The following DOCK4 variants were observed in gnomAD, a reference collection of about 807,000 sequenced individuals.
DOCK4 encodes the protein dedicator of cytokinesis 4.
A neutral mutation model predicts 268.1 loss-of-function variants in DOCK4; 97 were observed. The ratio of observed to expected loss-of-function variants is 0.36; its 90% CI spans 0.31 to 0.43. DOCK4 has a LOEUF of 0.43. DOCK4 is among the 20% of genes least tolerant of loss of function. The pLI, the probability that DOCK4 is intolerant of heterozygous loss-of-function variation, is 1.00. For missense variants in DOCK4, 2,145 were observed against 2,455.7 expected (o/e 0.87, Z 2.67); for synonymous variants, 954 against 887.2 (o/e 1.08, Z -1.34).
At chr7:111,733,427 T>C (rs1795247481) in intron 51 of DOCK4, among the ~76,000 whole-genome samples, 1 of 152,208 alleles carries the variant, frequency 6.6e-6, no homozygotes, top group Admixed American at 6.5e-5. Context: ...TGCTGGGGCA[T>C]GCTGTCAGCA....
At chr7:112,067,473 G>A (rs767043710) in intron 1 of DOCK4, among the ~76,000 whole-genome samples, 1 of 152,042 alleles carries the variant, frequency 6.6e-6, no homozygotes, top group African/African-American at 2.4e-5. Context: ...AAGAAGGTAC[G>A]ACTTCAGCTA....
intron 26 of DOCK4, among the ~76,000 whole-genome samples, chr7:111,823,814 A>G (rs1221441361): frequency 1.3e-5 from 2 of 152,244 alleles, no homozygotes; most frequent in Admixed American, 1.3e-4. Flanking sequence ...TTTATCAAAT[A>G]CAATGACACA....
chr7:111,729,970 A>G (rs973298197), intron 52 of DOCK4, among the ~76,000 whole-genome samples: 7 of 152,268 alleles, frequency 4.6e-5, no homozygotes, highest in Admixed American at 1.3e-4. Flanking sequence ...CTGGCAGTTC[A>G]TAAAGAACTA....
intron 1 of DOCK4, among the ~76,000 whole-genome samples, chr7:112,168,728 A>G (rs1201377020): frequency 6.6e-6 from 1 of 152,138 alleles, no homozygotes; most frequent in Non-Finnish European, 1.5e-5. Flanking sequence ...ACATAGAGTT[A>G]AGTAACATAA....
intron 1 of DOCK4, among the ~76,000 whole-genome samples, chr7:112,202,926 G>A (rs972135315): frequency 2.0e-5 from 3 of 152,118 alleles, no homozygotes; most frequent in Non-Finnish European, 4.4e-5. Context: ...CCTCAGTTCT[G>A]GCAGCTTGCC....
intron 39 of DOCK4, among the ~76,000 whole-genome samples, chr7:111,764,167 T>A (rs1468768250): frequency 6.6e-6 from 1 of 152,224 alleles, no homozygotes; most frequent in Non-Finnish European, 1.5e-5. Context: ...AAAGAAAACA[T>A]CTGTTCCACG....
At chr7:111,729,830 T>A (rs539334426) in intron 52 of DOCK4, among the ~76,000 whole-genome samples, 1 of 152,338 alleles carries the variant, frequency 6.6e-6, no homozygotes, top group East Asian at 1.9e-4. Flanking sequence ...TCCAGACTCC[T>A]GAGCTGAACT....
chr7:111,844,896 T>C lies in DOCK4; in HGVS notation c.2603A>G (p.Glu868Gly). 1.2e-6 allele frequency: 2 copies of C among 1,606,264 alleles called. No homozygotes were observed. The highest frequency in any genetic ancestry group is 1.7e-6 in the Non-Finnish European group (2 of 1,176,832). The change falls in exon 25 of 53, where the codon GAA (glutamate) becomes GGA (glycine). Residue 868 changes from glutamate to glycine, a missense_variant and splice_region_variant. Physicochemically the swap from Glu to Gly is moderately conservative, Grantham distance 98. Around this residue, in one of 2 missense-constraint regions of DOCK4, gnomAD observed 1,598 missense variants for 1,986.7 expected, o/e 0.80. Coordinates refer to ENST00000428084, the MANE Select transcript of DOCK4 (RefSeq NM_001363540.2). Reference sequence around the variant, plus strand: ...ATCTATTTCCTCCAGCACAGATTTTTCCTTAAGAGAAAAAAAATAATATGT... The same window carrying C: ...ATCTATTTCCTCCAGCACAGATTTTCCCTTAAGAGAAAAAAAATAATATGT... ...VFCLIKKNSS[E>G]KSVLEEIDVI... is the part of the protein sequence containing the mutation.
intron 23 of DOCK4, among the ~76,000 whole-genome samples, chr7:111,851,366 A>T (rs1586171916): frequency 6.7e-6 from 1 of 149,166 alleles, no homozygotes; most frequent in African/African-American, 2.5e-5. Flanking sequence ...AATCGCTTGA[A>T]CCTGGGAGGC....
rs1562997227 is a variant in DOCK4 at position 112,018,175 on chromosome 7, A to ACC, written c.38-14045_38-14044insGG. Among the ~76,000 whole-genome samples the ACC allele has an allele frequency of 3.3e-5, 3 of 91,344 alleles. 1 individual carries two copies. Among genetic ancestry groups the ACC allele is most frequent in the Non-Finnish European group, 8.8e-5 (3 of 34,150 alleles). The allele number at this position is 91,344 out of a possible 152,430, so 59.9% of individuals were successfully genotyped here. On this transcript the variant is annotated intron_variant, in intron 1 of 52. Transcript: ENST00000428084. ...AAAAAAAAAAAAAAAAAAAAAAAAA[A>ACC]AAAAACACAGGCAACCAGTATTCAT... is the stretch of plus-strand genomic sequence containing the variant.
At position 111,739,066 on chromosome 7, in the gene DOCK4, C is replaced by T; in HGVS notation, c.5232+68G>A. On this transcript the variant is annotated intron_variant, in intron 49 of 52. Coordinates refer to ENST00000428084, the MANE Select transcript of DOCK4 (RefSeq NM_001363540.2). ...TGCTTTTGGCAGCTACCGCGTGTTT[C>T]TGCAGAGATAGGTAAGCAATTCCAG... 2.1e-6 allele frequency: 3 copies of T among 1,398,266 alleles called. No individual in the cohort carries two copies. In the South Asian group the frequency reaches 3.5e-5, roughly 16 times the overall value. 86.6% of individuals were successfully genotyped at this position (1,398,266 alleles called of 1,614,324 possible). A position where few individuals can be genotyped will look rare whatever the true frequency, so the allele number is the denominator to read the frequency against.
intron 1 of DOCK4, among the ~76,000 whole-genome samples, chr7:112,145,122 G>A (rs1406763887): frequency 6.6e-6 from 1 of 152,118 alleles, no homozygotes; most frequent in African/African-American, 2.4e-5. Flanking sequence ...GGACACCTTA[G>A]GGAGGTATAA....
intron 12 of DOCK4, among the ~76,000 whole-genome samples, chr7:111,929,106 G>A (rs1202198538): frequency 6.6e-6 from 1 of 152,074 alleles, no homozygotes; most frequent in African/African-American, 2.4e-5. Context: ...TATGTATGAT[G>A]TGTATAGATG....
chr7:111,786,381 G>A (rs879686093), intron 32 of DOCK4, among the ~76,000 whole-genome samples: 8 of 152,150 alleles, frequency 5.3e-5, no homozygotes, highest in Middle Eastern at 3.2e-3. Context: ...GTGGAGCCAG[G>A]GGAAGCAGAA....
intron 8 of DOCK4, among the ~76,000 whole-genome samples, chr7:111,974,545 T>TGC (rs71147501): frequency 9.0e-6 from 1 of 110,990 alleles, no homozygotes; most frequent in Non-Finnish European, 1.9e-5. Flanking sequence ...TGTGTGTGTG[T>TGC]ATGATGGGGG....
At chr7:111,844,692 T>G in intron 25 of DOCK4, 71 bp downstream of exon 25, 1 of 1,521,126 alleles carries the variant, frequency 6.6e-7, no homozygotes. Context: ...GATTATAACA[T>G]CAAGCCACCT....
In DOCK4 at chr7:112,122,837, A is replaced by G. The variant is rs1330119342; in HGVS notation, c.37+83265T>C. ...TTTATCTTATGAGTGACTATCTTTA[A>G]GTTATCAAATATACACTGAAGCCCA... On this transcript the variant is annotated intron_variant, in intron 1 of 52. Transcript: ENST00000428084. Among the ~76,000 whole-genome samples, 6 of 152,190 alleles carry G rather than the reference A, an allele frequency of 3.9e-5. 1 individual carries two copies. The highest frequency in any genetic ancestry group is 1.4e-4 in the African/African-American group (6 of 41,444).
chr7:112,206,110 T>TA lies in DOCK4; in HGVS notation c.28dup (p.Tyr10LeufsTer31). 6.3e-7 allele frequency: 1 copy of TA among 1,585,720 alleles called. No homozygotes were observed. Among genetic ancestry groups the TA allele is most frequent in the Non-Finnish European group, 8.6e-7 (1 of 1,165,726 alleles). On this transcript the variant is annotated frameshift_variant, in exon 1 of 53. Transcript: ENST00000428084. LOFTEE classifies it high-confidence loss of function. ...GCCCCGCGGAGACTCACCCACGCCGTATTTCTCGTGCTCCGTAGGTATCCA... is the reference window on the plus strand; with the variant it reads ...GCCCCGCGGAGACTCACCCACGCCGTAATTTCTCGTGCTCCGTAGGTATCCA...
chr7:111,886,776 A>G (rs1331221772), intron 16 of DOCK4, among the ~76,000 whole-genome samples: 1 of 152,212 alleles, frequency 6.6e-6, no homozygotes, highest in Admixed American at 6.5e-5. Flanking sequence ...AAATCCAAAT[A>G]AATTCCATGT....
Sources: gnomAD v4.1 joint callset for allele counts (sites outside exome capture counted in the v4.1 genomes callset) on GRCh38, gnomAD v4.1.1 for gene constraint, gnomAD v4.1.1 regional missense constraint, MANE v1.5 for transcripts, NCBI Gene and HGNC (gene_info 2026-07-23, HGNC 2026-07-21) for gene names.